Variants in MAOA observed in about 807,000 individuals in gnomAD.
The protein encoded by MAOA is monoamine oxidase A.
A neutral mutation model predicts 42.0 loss-of-function variants in MAOA; 6 were observed. That is an observed-to-expected ratio of 0.14 (90% CI 0.08 to 0.28). MAOA has a LOEUF of 0.28. Among genes scored for constraint, MAOA ranks in the 10% least tolerant of loss-of-function variants. The pLI is 1.00. For synonymous variants in MAOA, 140 were observed against 154.0 expected, an observed-to-expected ratio of 0.91 and a Z score of 0.67; for missense variants, 262 against 422.3, an observed-to-expected ratio of 0.62 and a Z score of 3.33.
intron 1 of MAOA, among the ~76,000 whole-genome samples, chrX:43,658,566 A>G (rs1295072950): frequency 8.9e-6 from 1 of 111,802 alleles, no homozygotes; most frequent in Non-Finnish European, 1.9e-5. Context: ...GAATCTGTCC[A>G]TAGTCACTCT....
intron 5 of MAOA, among the ~76,000 whole-genome samples, chrX:43,719,569 G>C (rs1027161719): frequency 5.4e-5 from 6 of 110,687 alleles, no homozygotes; most frequent in African/African-American, 2.0e-4. Context: ...AGACAGGTAG[G>C]GTATGACAGA....
chrX:43,728,144 C>T (rs1240191933), intron 5 of MAOA, 29 bp from the exon 6 acceptor site: 1 of 1,199,658 alleles, frequency 8.3e-7, no homozygotes, highest in Non-Finnish European at 1.1e-6. Flanking sequence ...CATATTGACA[C>T]CTGACTTCCA....
intron 1 of MAOA, among the ~76,000 whole-genome samples, chrX:43,680,009 G>C (rs1027464250): frequency 8.9e-6 from 1 of 111,956 alleles, no homozygotes; most frequent in African/African-American, 3.3e-5. Flanking sequence ...ATTGGTTTGA[G>C]TTTATTTAAC....
intron 2 of MAOA, among the ~76,000 whole-genome samples, chrX:43,692,045 A>G (rs1250796456): frequency 2.8e-5 from 3 of 108,650 alleles, no homozygotes; most frequent in African/African-American, 6.8e-5. Context: ...ACACGCACGC[A>G]CACATCTTTA....
chrX:43,662,470 T>C (rs1001180333), intron 1 of MAOA, among the ~76,000 whole-genome samples: 1 of 111,356 alleles, frequency 9.0e-6, no homozygotes, highest in South Asian at 3.7e-4. Context: ...AATTGTTACA[T>C]AATCCTCAGC....
At chrX:43,657,737 A>T in intron 1 of MAOA, 1 of 137,338 alleles carries the variant, frequency 7.3e-6, no homozygotes, top group Non-Finnish European at 1.3e-5. Flanking sequence ...GGGAGGGAGT[A>T]AGTAGAGTGG....
chrX:43,671,576 G>A (rs1219851630), intron 1 of MAOA, among the ~76,000 whole-genome samples: 1 of 106,527 alleles, frequency 9.4e-6, no homozygotes, highest in Non-Finnish European at 1.9e-5. Flanking sequence ...ATGGTTTTAG[G>A]TCTAACGTTT....
chrX:43,666,458 C>G (rs765739338), intron 1 of MAOA, among the ~76,000 whole-genome samples: 70 of 111,012 alleles, frequency 6.3e-4, no homozygotes, highest in African/African-American at 2.1e-3. Flanking sequence ...AAAATATGTT[C>G]TGTATCTCAC....
In MAOA at chrX:43,674,074, G is replaced by A. The variant is rs761113826; in HGVS notation, c.74-9439G>A. Among the ~76,000 whole-genome samples the A allele has an allele frequency of 4.6e-3, 515 of 111,445 alleles. 2 individuals carry two copies. The highest frequency in any genetic ancestry group is 7.3e-3 in the Non-Finnish European group (386 of 52,826). ...TAAAGTCTCCCATTATTATTGTGTG[G>A]GAGTCTAAGTCTCTTTGTAGGTCAC... On this transcript the variant is annotated intron_variant, in intron 1 of 14. Transcript: ENST00000338702.
intron 1 of MAOA, among the ~76,000 whole-genome samples, chrX:43,661,489 G>T (rs1002167916): frequency 2.7e-5 from 3 of 111,482 alleles, no homozygotes; most frequent in Non-Finnish European, 5.7e-5. Context: ...TACCATACAG[G>T]AGAGACTAGA....
intron 5 of MAOA, among the ~76,000 whole-genome samples, chrX:43,715,088 C>A (rs180848388): frequency 8.1e-5 from 9 of 110,610 alleles, no homozygotes; most frequent in African/African-American, 3.0e-4. Context: ...CCAGTTATGA[C>A]CCACAAGGGT....
chrX:43,673,287 C>T (rs1478609350), intron 1 of MAOA, among the ~76,000 whole-genome samples: 1 of 111,197 alleles, frequency 9.0e-6, no homozygotes, highest in Non-Finnish European at 1.9e-5. Context: ...GTGGTGATAT[C>T]CCCTTTATCA....
chrX:43,693,221 A>AT, intron 2 of MAOA, 70 bp from the exon 3 acceptor site: 1 of 1,067,220 alleles, frequency 9.4e-7, no homozygotes, highest in Non-Finnish European at 1.3e-6. Context: ...AAATGGGGTT[A>AT]TTTTTTTACA....
chrX:43,683,286 G>T (rs1212142263), intron 1 of MAOA, among the ~76,000 whole-genome samples: 1 of 111,697 alleles, frequency 9.0e-6, no homozygotes, highest in East Asian at 2.8e-4. Flanking sequence ...TGTTTCTGTT[G>T]ACCAACTGAA....
intron 2 of MAOA, among the ~76,000 whole-genome samples, chrX:43,688,706 C>T (rs181317587): frequency 1.9e-3 from 215 of 111,969 alleles, no homozygotes; most frequent in African/African-American, 5.7e-3. Context: ...TATATGTCCA[C>T]TAGAATAAGC....
At chrX:43,698,333 T>C (rs911813161) in intron 3 of MAOA, among the ~76,000 whole-genome samples, 3 of 111,947 alleles carry the variant, frequency 2.7e-5, no homozygotes, top group African/African-American at 9.7e-5. Context: ...ACAGTGCAAG[T>C]TTTAGCAAGA....
At position 43,745,692 on chromosome X, in the gene MAOA, T is replaced by C. The variant is rs2147109323; in HGVS notation, c.*1179T>C. On this transcript the variant is annotated 3_prime_UTR_variant, in exon 15 of 15. Coordinates refer to ENST00000338702, the MANE Select transcript of MAOA (RefSeq NM_000240.4). ...ACATGAAATTGAGTCATTTTATATA[T>C]GAAAACTAAGTTCTCTATCTTAGGA... 1 of 111,911 alleles carries C rather than the reference T, an allele frequency of 8.9e-6. No homozygotes were observed. The highest frequency in any genetic ancestry group is 3.8e-4 in the South Asian group (1 of 2,648). 9.2% of individuals were successfully genotyped at this position (111,911 alleles called of 1,213,427 possible).
chrX:43,737,792 G>A (rs2033931012), intron 10 of MAOA, among the ~76,000 whole-genome samples: 1 of 111,736 alleles, frequency 8.9e-6, no homozygotes, highest in African/African-American at 3.3e-5. Context: ...GCTAGCTTGT[G>A]ACAAAAAGTC....
chrX:43,746,324 C>A lies in MAOA; in HGVS notation c.*1811C>A, dbSNP rs2033998423. 8.9e-6 allele frequency: 1 copy of A among 112,179 alleles called. No homozygotes were observed. The highest frequency in any genetic ancestry group is 1.9e-5 in the Non-Finnish European group (1 of 53,299). The allele number at this position is 112,179 out of a possible 1,213,427, so 9.2% of individuals were successfully genotyped here. A position where few individuals can be genotyped will look rare whatever the true frequency, so the allele number is the denominator to read the frequency against. On this transcript the variant is annotated 3_prime_UTR_variant, in exon 15 of 15. Transcript: ENST00000338702. ...TTAATTTATTCTAATTAGATTAACCCTATTAATCTATGGATTGGGTATCAA... is the reference window on the plus strand; with the variant it reads ...TTAATTTATTCTAATTAGATTAACCATATTAATCTATGGATTGGGTATCAA...
Sources: allele counts gnomAD v4.1 joint callset (sites outside exome capture counted in the v4.1 genomes callset), GRCh38; gene constraint gnomAD v4.1.1; transcripts MANE v1.5; gene names NCBI Gene and HGNC (gene_info 2026-07-23, HGNC 2026-07-21).